ATP8B3: variants seen among roughly 807,000 people sequenced by gnomAD.
ATP8B3 encodes phospholipid-transporting ATPase IK.
In ATP8B3, 141 loss-of-function variants were observed where a neutral mutation model predicts 140.9. The ratio of observed to expected loss-of-function variants is 1.00; its 90% CI spans 0.87 to 1.15. The LOEUF (loss-of-function observed/expected upper bound fraction) is 1.15. ATP8B3 is among the 50% of genes most tolerant of loss of function. ATP8B3 has a pLI of 0.00. For missense variants in ATP8B3, 1,874 were observed against 1,740.6 expected (o/e 1.08, Z -1.36); for synonymous variants, 765 against 714.6 (o/e 1.07, Z -1.13).
chr19:1,786,891 C>G (rs1424440059), intron 25 of ATP8B3, among the ~76,000 whole-genome samples: 6 of 152,206 alleles, frequency 3.9e-5, no homozygotes, highest in African/African-American at 1.4e-4. Context: ...CTCCCACACA[C>G]AGGAGGAGCT....
At chr19:1,810,010 A>C (rs1276785375) in intron 3 of ATP8B3, among the ~76,000 whole-genome samples, 1 of 152,168 alleles carries the variant, frequency 6.6e-6, no homozygotes, top group Non-Finnish European at 1.5e-5. Flanking sequence ...GCCCTGGGAG[A>C]CCGTTCAGGC....
At chr19:1,803,765 G>C in intron 10 of ATP8B3, among the ~76,000 whole-genome samples, 1 of 151,950 alleles carries the variant, frequency 6.6e-6, no homozygotes, top group Non-Finnish European at 1.5e-5. Flanking sequence ...GCGTGGTGGC[G>C]GGCGCCTGGG....
chr19:1,802,407 A>ACACCC, intron 11 of ATP8B3, 80 bp downstream of exon 11: 3 of 318,100 alleles, frequency 9.4e-6, no homozygotes, highest in Admixed American at 4.3e-5. Flanking sequence ...CCACCCACCT[A>ACACCC]CCCACCCACC....
In ATP8B3 at chr19:1,785,676, C is replaced by T. The variant is rs368555564; in HGVS notation, c.3186G>A (p.Pro1062=). 12 of 1,612,094 alleles carry T rather than the reference C, an allele frequency of 7.4e-6. No homozygotes were observed. In the Admixed American group the frequency reaches 8.4e-5, roughly 11 times the overall value. ...DVSAEQSLEK[P]ELYVVGQKDE... ...CCTTCTGCCCCACCACGTACAGCTCCGGCTTCTCCAGGCTCTGCTCTGCGC... is the reference window on the plus strand; with the variant it reads ...CCTTCTGCCCCACCACGTACAGCTCTGGCTTCTCCAGGCTCTGCTCTGCGC... The change falls in exon 26 of 29, where the codon CCG becomes CCA. Residue 1062 remains proline, a synonymous_variant. Coordinates refer to ENST00000310127, the MANE Select transcript of ATP8B3 (RefSeq NM_138813.4).
Position 1,800,437 on chromosome 19 carries a change from C to T in ATP8B3, c.1165G>A (p.Val389Met), listed in dbSNP as rs763242962. The change falls in exon 13 of 29, where the codon GTG becomes ATG. Residue 389 changes from valine to methionine, a missense_variant. Around this residue, in one of 3 missense-constraint regions of ATP8B3, gnomAD observed 1,032 missense variants for 963.6 expected, o/e 1.07. Transcript: ENST00000310127. The surrounding 1 kb of genome is among the most constrained non-coding windows in gnomAD (Gnocchi z 4.4). ...GCCAACACCAGGCAGACAAGCACCA[C>T]GGAGATGAAGATCTGGAAGGCAGAC... ...NKLVVVIFIS[V>M]VLVCLVLAFG... 3.6e-6 allele frequency: 5 copies of T among 1,404,638 alleles called. No homozygotes were observed. Among genetic ancestry groups the T allele is most frequent in the Non-Finnish European group, 3.8e-6 (4 of 1,044,068 alleles). 87.0% of individuals were successfully genotyped at this position (1,404,638 alleles called of 1,614,324 possible). A position where few individuals can be genotyped will look rare whatever the true frequency, so the allele number is the denominator to read the frequency against.
At chr19:1,789,804 G>C in intron 22 of ATP8B3, 77 bp from the exon 23 acceptor site, 1 of 1,575,440 alleles carries the variant, frequency 6.3e-7, no homozygotes. Flanking sequence ...CCTCGGCCTC[G>C]CCAGCAGTCC....
In ATP8B3 at chr19:1,800,181, C is replaced by A; in HGVS notation, c.1344-26G>T. 1 of 1,570,004 alleles carries A rather than the reference C, an allele frequency of 6.4e-7. No individual in the cohort carries two copies. Among genetic ancestry groups the A allele is most frequent in the Non-Finnish European group, 8.6e-7 (1 of 1,157,090 alleles). On this transcript the variant is annotated intron_variant, in intron 13 of 28. Coordinates refer to ENST00000310127, the MANE Select transcript of ATP8B3 (RefSeq NM_138813.4). The surrounding 1 kb of genome is among the most constrained non-coding windows in gnomAD (Gnocchi z 4.4). ...CTGCAGAGGCACTCAGGGTCACGGT[C>A]AGCCCCGCCTGCTGTGTGCCATCCC...
In ATP8B3 at chr19:1,801,980, G is replaced by C; in HGVS notation, c.1128C>G (p.Leu376=). The C allele has an allele frequency of 6.2e-7, 1 of 1,612,670 alleles. No homozygotes were observed. Among genetic ancestry groups the C allele is most frequent in the South Asian group, 1.1e-5 (1 of 91,054 alleles). Residue 376 remains leucine (L), a synonymous_variant, in exon 12 of 29, where the codon CTC becomes CTG. Transcript: ENST00000310127. The part of the protein sequence containing the change: ...KIHLKRTKLD[L]LMNKLVVVIF... ...CCACAACCACCAGCTTGTTCATCAG[G>C]AGGTCCAGCTTGGTTCTCTTCAAAT...
chr19:1,790,509 T>C (rs111913894), intron 21 of ATP8B3, among the ~76,000 whole-genome samples: 101 of 322 alleles, frequency 0.31, 10 homozygotes, highest in South Asian at 0.54. Context: ...CCCTCCCTCT[T>C]CCCCCTCCCT....
chr19:1,783,772 C>A (rs2068225374), intron 28 of ATP8B3, among the ~76,000 whole-genome samples: 1 of 152,190 alleles, frequency 6.6e-6, no homozygotes, highest in Non-Finnish European at 1.5e-5. Context: ...CCAGTCAATT[C>A]TGGGGCCCAT....
rs186172399 is a variant in ATP8B3 at position 1,800,152 on chromosome 19, G to A, written c.1347C>T (p.Ser449=). 2 of 1,558,074 alleles carry A rather than the reference G, an allele frequency of 1.3e-6. No homozygotes were observed. The highest frequency in any genetic ancestry group is 1.7e-6 in the Non-Finnish European group (2 of 1,150,484). The change falls in exon 14 of 29, where the codon TCC becomes TCT. Residue 449 remains serine, a synonymous_variant. Transcript: ENST00000310127. The surrounding 1 kb of genome is among the most constrained non-coding windows in gnomAD (Gnocchi z 4.4). ...VTIPMSMFIL[S]EFIYLGNSVF... ...CGCTGTTCCCCAGGTAGATGAACTC[G>A]GACCTGCAGAGGCACTCAGGGTCAC...
At position 1,811,571 on chromosome 19, in the gene ATP8B3, C is replaced by T; in HGVS notation, c.166G>A (p.Asp56Asn). Residue 56 changes from aspartate to asparagine, a missense_variant, in exon 2 of 29, where the codon GAC becomes AAC. Physicochemically the swap from Asp to Asn is conservative, Grantham distance 23. Around this residue, in one of 3 missense-constraint regions of ATP8B3, gnomAD observed 1,032 missense variants for 963.6 expected, o/e 1.07. Transcript: ENST00000310127. The stretch of plus-strand genomic sequence containing the variant: ...TCAGGTGCCCCTCTGCCTGGGGAGT[C>T]TCCCATCCCAGCTCTGATCACCGTC... ...GETVIRAGMG[D>N]SPGRGAPERR... is the part of the protein sequence containing the mutation. 6.2e-7 allele frequency: 1 copy of T among 1,612,432 alleles called. No individual in the cohort carries two copies. The highest frequency in any genetic ancestry group is 8.5e-7 in the Non-Finnish European group (1 of 1,179,838).
rs1472860620 is a variant in ATP8B3, at chr19:1,800,349, T to C, written c.1253A>G (p.His418Arg). Residue 418 changes from histidine to arginine, a missense_variant, in exon 13 of 29, where the codon CAT (histidine) becomes CGT (arginine). Around this residue, in one of 3 missense-constraint regions of ATP8B3, gnomAD observed 1,032 missense variants for 963.6 expected, o/e 1.07. Coordinates refer to ENST00000310127, the MANE Select transcript of ATP8B3 (RefSeq NM_138813.4). The surrounding 1 kb of genome is among the most constrained non-coding windows in gnomAD (Gnocchi z 4.4). ...KDHHYYLSGVHGSSVAAESFF... is the reference protein window; with the variant it reads ...KDHHYYLSGVRGSSVAAESFF... ...GGACTCTGCGGCCACGCTGCTCCCA[T>C]GCACCCCCGAGAGGTAGTAGTGGTG... The C allele has an allele frequency of 6.8e-6, 11 of 1,612,504 alleles. No individual in the cohort carries two copies. Among genetic ancestry groups the C allele is most frequent in the African/African-American group, 5.3e-5 (4 of 74,816 alleles).
rs1266089992 is a variant in ATP8B3, at chr19:1,787,191, GC to G, written c.3070-6del. On this transcript the variant is annotated splice_polypyrimidine_tract_variant and splice_region_variant and intron_variant, in intron 24 of 28. Coordinates refer to ENST00000310127, the MANE Select transcript of ATP8B3 (RefSeq NM_138813.4). ...GAACCATCCTTCATACAGGGGCTGA[GC>G]CGGGGGAGAAGGGCAAGGAGAACAA... is the stretch of plus-strand genomic sequence containing the variant. The G allele has an allele frequency of 1.2e-6, 2 of 1,606,408 alleles. No individual in the cohort carries two copies. The highest frequency in any genetic ancestry group is 4.5e-5 in the East Asian group (2 of 44,680).
intron 2 of ATP8B3, 81 bp from the exon 3 acceptor site, chr19:1,810,764 C>A: frequency 7.4e-7 from 1 of 1,352,406 alleles, no homozygotes. Context: ...GAGCTCACAG[C>A]CTAGGGGCCG....
At chr19:1,796,643 G>A (rs1038199318) in intron 16 of ATP8B3, 68 bp downstream of exon 16, 12 of 1,532,972 alleles carry the variant, frequency 7.8e-6, no homozygotes, top group East Asian at 4.5e-5. Flanking sequence ...GGTGAGCTGC[G>A]GGGCTGGGGA....
Position 1,800,455 on chromosome 19 carries a change from A to G in ATP8B3, c.1153-6T>C, listed in dbSNP as rs2068811390. Reference sequence around the variant, plus strand: ...AGCACCACGGAGATGAAGATCTGGAAGGCAGACGCGACAGGGTGGGTGAGG... The same window carrying G: ...AGCACCACGGAGATGAAGATCTGGAGGGCAGACGCGACAGGGTGGGTGAGG... On this transcript the variant is annotated splice_region_variant and splice_polypyrimidine_tract_variant and intron_variant, in intron 12 of 28. Coordinates refer to ENST00000310127, the MANE Select transcript of ATP8B3 (RefSeq NM_138813.4). This position sits in a 1 kb window ranked among gnomAD's most constrained non-coding sequence, Gnocchi z 4.4. 3 of 1,359,820 alleles carry G rather than the reference A, an allele frequency of 2.2e-6. No individual in the cohort carries two copies. The Admixed American group carries it at 5.5e-5, about 25-fold the overall frequency. The allele number at this position is 1,359,820 out of a possible 1,614,324, so 84.2% of individuals were successfully genotyped here.
Position 1,796,275 on chromosome 19 carries a change from AG to A in ATP8B3, c.1754-11del. ...TGGTACAACAGCTGGTCTGGTAGGG[AG>A]GGGGGCCATTTTGGGGTCACGTGGT... On this transcript the variant is annotated splice_polypyrimidine_tract_variant and intron_variant, in intron 16 of 28. Coordinates refer to ENST00000310127, the MANE Select transcript of ATP8B3 (RefSeq NM_138813.4). The A allele has an allele frequency of 3.1e-6, 5 of 1,599,816 alleles. No homozygotes were observed. Among genetic ancestry groups the A allele is most frequent in the South Asian group, 1.1e-5 (1 of 89,838 alleles).
rs12327693 is a variant in ATP8B3, at chr19:1,791,731, G to A, written c.2302+19C>T. 7.2e-4 allele frequency: 1,145 copies of A among 1,591,320 alleles called. 7 individuals are homozygous for A. In the African/African-American group the frequency reaches 0.011, roughly 15 times the overall value. On this transcript the variant is annotated intron_variant, in intron 20 of 28. Coordinates refer to ENST00000310127, the MANE Select transcript of ATP8B3 (RefSeq NM_138813.4). ...CCATGCTGCAGGGGCTTAGCCACCC[G>A]GAGCTGCCCGGGACTCACCCTGCTT...
Sources: allele counts gnomAD v4.1 joint callset (sites outside exome capture counted in the v4.1 genomes callset), GRCh38; gene constraint gnomAD v4.1.1; regional missense constraint gnomAD v4.1.1; non-coding constraint Gnocchi (gnomAD v3.1); transcripts MANE v1.5; gene names NCBI Gene and HGNC (gene_info 2026-07-23, HGNC 2026-07-21).